XRRA1: variants seen among roughly 807,000 people sequenced by gnomAD.
XRRA1 encodes the protein X-ray radiation resistance-associated protein 1.
Under a neutral mutation model 80.2 loss-of-function variants are expected in XRRA1, and 69 were observed. That is an observed-to-expected ratio of 0.86 (90% CI 0.71 to 1.05). XRRA1 has a LOEUF of 1.05. Among genes scored for constraint, XRRA1 ranks in the 50% least tolerant of loss-of-function variants. XRRA1 has a pLI of 0.00. For synonymous variants in XRRA1, 348 were observed against 389.9 expected (o/e 0.89, Z 1.27); for missense variants, 967 against 976.4 (o/e 0.99, Z 0.13).
chr11:74,885,812 C>T (rs1565322319), intron 10 of XRRA1, among the ~76,000 whole-genome samples: 1 of 152,046 alleles, frequency 6.6e-6, no homozygotes, highest in Non-Finnish European at 1.5e-5. Flanking sequence ...CAAAAATCCT[C>T]AAAAAAATAC....
intron 16 of XRRA1, 127 bp from the exon 17 acceptor site, chr11:74,844,410 A>G (rs1238381630): frequency 1.5e-6 from 1 of 679,018 alleles, no homozygotes; most frequent in African/African-American, 1.8e-5. Flanking sequence ...CCCCAAAAGA[A>G]AACACTGCCC....
At chr11:74,858,918 A>G (rs1481152730) in intron 12 of XRRA1, among the ~76,000 whole-genome samples, 3 of 152,224 alleles carry the variant, frequency 2.0e-5, no homozygotes, top group Non-Finnish European at 2.9e-5. Flanking sequence ...CCACAGCTGT[A>G]TATCTAGTGC....
chr11:74,880,320 A>T (rs1350369177), intron 10 of XRRA1, among the ~76,000 whole-genome samples: 4 of 152,090 alleles, frequency 2.6e-5, no homozygotes, highest in Non-Finnish European at 4.4e-5. Context: ...TATCCCCTTT[A>T]TCATTTTTTA....
At chr11:74,896,716 T>A (rs2052410206) in intron 10 of XRRA1, among the ~76,000 whole-genome samples, 1 of 152,124 alleles carries the variant, frequency 6.6e-6, no homozygotes, top group South Asian at 2.1e-4. Context: ...CAGTTTCAGA[T>A]GGCTTGGAAA....
At chr11:74,933,031 C>A (rs1028192512) in intron 5 of XRRA1, among the ~76,000 whole-genome samples, 1 of 152,122 alleles carries the variant, frequency 6.6e-6, no homozygotes, top group African/African-American at 2.4e-5. Context: ...CTCCAAGCTG[C>A]CTATAAGCCA....
At chr11:74,864,240 A>T (rs536454244) in intron 10 of XRRA1, 45 of 152,352 alleles carry the variant, frequency 3.0e-4, no homozygotes, top group African/African-American at 1.0e-3. Flanking sequence ...CAAAGCTGTA[A>T]ATTTATAATG....
At chr11:74,862,380 G>A (rs1462249200) in intron 11 of XRRA1, among the ~76,000 whole-genome samples, 1 of 152,226 alleles carries the variant, frequency 6.6e-6, no homozygotes, top group Non-Finnish European at 1.5e-5. Flanking sequence ...TGGGGAGGTT[G>A]TATACTGAGC....
chr11:74,850,993 T>C, intron 14 of XRRA1, 95 bp downstream of exon 14: 2 of 838,684 alleles, frequency 2.4e-6, no homozygotes, highest in African/African-American at 1.7e-5. Context: ...TTCCAGGCAC[T>C]GTGGAGTGAG....
chr11:74,914,409 C>T (rs974613033), intron 8 of XRRA1, among the ~76,000 whole-genome samples: 3 of 152,230 alleles, frequency 2.0e-5, no homozygotes, highest in African/African-American at 7.2e-5. Flanking sequence ...CAACAGGTCC[C>T]AACTGTAATG....
intron 12 of XRRA1, among the ~76,000 whole-genome samples, chr11:74,852,525 C>T (rs1228338274): frequency 6.6e-6 from 1 of 152,182 alleles, no homozygotes; most frequent in Non-Finnish European, 1.5e-5. Flanking sequence ...TCAGCACAAA[C>T]CTCTACACAC....
intron 7 of XRRA1, among the ~76,000 whole-genome samples, chr11:74,924,591 T>G (rs1941782008): frequency 6.6e-6 from 1 of 152,188 alleles, no homozygotes; most frequent in African/African-American, 2.4e-5. Flanking sequence ...CCCAGCTTTT[T>G]GGGAGGTTGA....
chr11:74,944,863 G>A (rs75514657), intron 2 of XRRA1, among the ~76,000 whole-genome samples, 155 bp downstream of exon 2: 3,236 of 152,264 alleles, frequency 0.021, 111 homozygotes, highest in African/African-American at 0.074. Flanking sequence ...TCTGCTAGAG[G>A]TAAATGAAAG....
chr11:74,891,056 G>C (rs2050546115), intron 10 of XRRA1, among the ~76,000 whole-genome samples: 1 of 152,142 alleles, frequency 6.6e-6, no homozygotes. Context: ...CATTTTATGA[G>C]GCCAGCATCA....
At chr11:74,904,126 G>A (rs2054092120) in intron 10 of XRRA1, among the ~76,000 whole-genome samples, 1 of 152,056 alleles carries the variant, frequency 6.6e-6, no homozygotes, top group Non-Finnish European at 1.5e-5. Context: ...AGAATCATTG[G>A]TATATAATTT....
Position 74,932,003 on chromosome 11 carries a change from T to C in XRRA1, c.352-1631A>G, listed in dbSNP as rs1359022480. 2.0e-5 allele frequency among the ~76,000 whole-genome samples: 3 copies of C among 152,332 alleles called. No individual in the cohort carries two copies. The East Asian group carries it at 5.8e-4, about 29-fold the overall frequency. The stretch of plus-strand genomic sequence containing the variant: ...ATTTATGAGGCTGAATATCTTTTTC[T>C]ATATTTATTGGCCTTTCAAGTTCCT... On this transcript the variant is annotated intron_variant, in intron 5 of 18. Transcript: ENST00000684022.
chr11:74,937,481 T>A (rs576484771), intron 3 of XRRA1, among the ~76,000 whole-genome samples: 1 of 152,252 alleles, frequency 6.6e-6, no homozygotes, highest in Admixed American at 6.5e-5. Flanking sequence ...CTATTGGTCA[T>A]CTCTTGAGTA....
At chr11:74,869,338 ATTAT>A (rs1170742679) in intron 10 of XRRA1, among the ~76,000 whole-genome samples, 2 of 152,224 alleles carry the variant, frequency 1.3e-5, no homozygotes, top group Non-Finnish European at 2.9e-5. Context: ...GTAGAAAGAA[ATTAT>A]TTAGGCAGAT....
chr11:74,931,123 T>C (rs1943446330), intron 5 of XRRA1, among the ~76,000 whole-genome samples: 1 of 94,650 alleles, frequency 1.1e-5, no homozygotes, highest in East Asian at 2.9e-4. Flanking sequence ...TCTTTTTTTA[T>C]GCTTATACGT....
intron 15 of XRRA1, among the ~76,000 whole-genome samples, chr11:74,846,968 G>A (rs1337880773): frequency 7.0e-6 from 1 of 143,768 alleles, no homozygotes. Flanking sequence ...TGATTGTATT[G>A]CTTTGGCCGC....
Sources: allele counts gnomAD v4.1 joint callset (sites outside exome capture counted in the v4.1 genomes callset), GRCh38; gene constraint gnomAD v4.1.1; transcripts MANE v1.5; gene names NCBI Gene and HGNC (gene_info 2026-07-23, HGNC 2026-07-21).